The following TRIL variants were observed in gnomAD, a reference collection of about 807,000 sequenced individuals.
The protein encoded by TRIL is TLR4 interactor with leucine rich repeats.
A neutral mutation model predicts 43.0 loss-of-function variants in TRIL; 23 were observed. That is an observed-to-expected ratio of 0.54 (90% CI 0.39 to 0.76). The LOEUF (loss-of-function observed/expected upper bound fraction) is 0.76. TRIL is among the 30% of genes least tolerant of loss of function. TRIL has a pLI of 0.00. For synonymous variants in TRIL, 602 were observed against 556.8 expected (o/e 1.08, Z -1.14); for missense variants, 1,114 against 1,139.3 (o/e 0.98, Z 0.32).
In TRIL at chr7:28,956,670, C is replaced by T; in HGVS notation, c.1377G>A (p.Gln459=). The change falls in exon 1 of 1, where the codon CAG becomes CAA. Residue 459 remains glutamine (Q), a synonymous_variant. Coordinates refer to ENST00000539664, the MANE Select transcript of TRIL (RefSeq NM_014817.4). ...ELPPQPQLQQ[Q]GRFLAGVAWD... Reference sequence around the variant, plus strand: ...AGGCCACCCCAGCTAGAAATCGCCCCTGCTGCTGGAGCTGCGGCTGCGGCG... The same window carrying T: ...AGGCCACCCCAGCTAGAAATCGCCCTTGCTGCTGGAGCTGCGGCTGCGGCG... 6.3e-7 allele frequency: 1 copy of T among 1,580,748 alleles called. No homozygotes were observed. Among genetic ancestry groups the T allele is most frequent in the Non-Finnish European group, 8.6e-7 (1 of 1,167,626 alleles).
chr7:28,956,416 C>T lies in TRIL; in HGVS notation c.1631G>A (p.Gly544Asp). The T allele has an allele frequency of 6.5e-7, 1 of 1,537,194 alleles. No individual in the cohort carries two copies. Reference sequence around the variant, plus strand: ...CTTCGTCGCGCGCTGCCAGGGGTCGCCGGCGGGCGATGGCGCAGAGCCAGG... The same window carrying T: ...CTTCGTCGCGCGCTGCCAGGGGTCGTCGGCGGGCGATGGCGCAGAGCCAGG... ...ASPGSAPSPAGDPWQRATKHR... is the reference protein window; with the variant it reads ...ASPGSAPSPADDPWQRATKHR... The change falls in exon 1 of 1, where the codon GGC becomes GAC. Residue 544 changes from glycine to aspartate, a missense_variant. Gly to Asp is a moderately conservative substitution (Grantham distance 94). Coordinates refer to ENST00000539664, the MANE Select transcript of TRIL (RefSeq NM_014817.4).
At position 28,953,914 on chromosome 7, in the gene TRIL, C is replaced by T. The variant is rs890825483; in HGVS notation, c.*1697G>A. On this transcript the variant is annotated 3_prime_UTR_variant, in exon 1 of 1. Coordinates refer to ENST00000539664, the MANE Select transcript of TRIL (RefSeq NM_014817.4). ...GAGAAGAGGGCAGGCATGGGTCAAT[C>T]TAGGCCAAACATAAAAGGAGTGAAC... 6.6e-6 allele frequency: 1 copy of T among 152,628 alleles called. No individual in the cohort carries two copies. The highest frequency in any genetic ancestry group is 1.5e-5 in the Non-Finnish European group (1 of 68,076). 9.5% of individuals were successfully genotyped at this position (152,628 alleles called of 1,614,324 possible).
rs1457225257 is a variant in TRIL at position 28,957,337 on chromosome 7, G to C, written c.710C>G (p.Ser237Trp). Residue 237 changes from serine to tryptophan, a missense_variant, in exon 1 of 1, where the codon TCG becomes TGG. Coordinates refer to ENST00000539664, the MANE Select transcript of TRIL (RefSeq NM_014817.4). ...CCCGAGGTGCTGCAGGTTGTTGGCC[G>C]AGAGGATGAGGGAGGAGAGGGAGCG... ...PLRSLSSLIL[S>W]ANNLQHLGPR... 6.2e-7 allele frequency: 1 copy of C among 1,612,462 alleles called. No individual in the cohort carries two copies. The highest frequency in any genetic ancestry group is 8.5e-7 in the Non-Finnish European group (1 of 1,179,644).
rs1425142429 is a variant in TRIL at position 28,957,161 on chromosome 7, G to A, written c.886C>T (p.Leu296=). 2.5e-6 allele frequency: 4 copies of A among 1,591,210 alleles called. No homozygotes were observed. ...TCCAGGCTGTGCAGAGGCTCCAGCAGCGCAGTTGGCAGCTGGCTCAGCCGA... is the reference window on the plus strand; with the variant it reads ...TCCAGGCTGTGCAGAGGCTCCAGCAACGCAGTTGGCAGCTGGCTCAGCCGA... ...GNRLSQLPTA[L]LEPLHSLEAL... is the part of the protein sequence containing the mutation. Residue 296 remains leucine (L), a synonymous_variant, in exon 1 of 1, where the codon CTG becomes TTG. Transcript: ENST00000539664.
rs755637040 is a variant in TRIL, at chr7:28,956,347, T to C, written c.1700A>G (p.Asp567Gly). 75 of 1,530,890 alleles carry C rather than the reference T, an allele frequency of 4.9e-5. No individual in the cohort carries two copies. The highest frequency in any genetic ancestry group is 2.0e-4 in the Admixed American group (10 of 50,506). The allele number at this position is 1,530,890 out of a possible 1,614,324, so 94.8% of individuals were successfully genotyped here. A position where few individuals can be genotyped will look rare whatever the true frequency, so the allele number is the denominator to read the frequency against. Residue 567 changes from aspartate to glycine, a missense_variant, in exon 1 of 1, where the codon GAC (aspartate) becomes GGC (glycine). Transcript: ENST00000539664. ...CAGCGGCGGCAGCCCGGCCCCACCG[T>C]CGGACTGGGCGGCACGCTCCTGGTG... ...TEHQERAAQS[D>G]GGAGLPPLVS... is the part of the protein sequence containing the mutation.
rs1350331100 is a variant in TRIL at position 28,957,339 on chromosome 7, G to A, written c.708C>T (p.Leu236=). 3 of 1,612,326 alleles carry A rather than the reference G, an allele frequency of 1.9e-6. No individual in the cohort carries two copies. The highest frequency in any genetic ancestry group is 2.5e-6 in the Non-Finnish European group (3 of 1,179,506). Reference sequence around the variant, plus strand: ...CGAGGTGCTGCAGGTTGTTGGCCGAGAGGATGAGGGAGGAGAGGGAGCGCA... The same window carrying A: ...CGAGGTGCTGCAGGTTGTTGGCCGAAAGGATGAGGGAGGAGAGGGAGCGCA... The part of the protein sequence containing the change: ...APLRSLSSLI[L]SANNLQHLGP... The change falls in exon 1 of 1, where the codon CTC becomes CTT. Residue 236 remains leucine, a synonymous_variant. Coordinates refer to ENST00000539664, the MANE Select transcript of TRIL (RefSeq NM_014817.4).
chr7:28,956,133 G>A lies in TRIL; in HGVS notation c.1914C>T (p.Tyr638=). 3 of 1,566,444 alleles carry A rather than the reference G, an allele frequency of 1.9e-6. No individual in the cohort carries two copies. The highest frequency in any genetic ancestry group is 2.6e-6 in the Non-Finnish European group (3 of 1,157,516). ...GQQPKFHRFV[Y]LPESSDSATL... is the part of the protein sequence containing the mutation. ...TGGCCGAGTCGCTGCTCTCAGGCAG[G>A]TAGACGAAGCGGTGGAACTTGGGCT... The change falls in exon 1 of 1, where the codon TAC becomes TAT. Residue 638 remains tyrosine (Y), a synonymous_variant. Transcript: ENST00000539664.
At position 28,953,667 on chromosome 7, in the gene TRIL, AAAC is replaced by A. The variant is rs1344794608; in HGVS notation, c.*1941_*1943del. ...TAGCTCCCTGGTTGAAAATAAGAGC[AAAC>A]AACACTACTGCTCTCATGTACCAGT... On this transcript the variant is annotated 3_prime_UTR_variant, in exon 1 of 1. Transcript: ENST00000539664. 14 of 152,252 alleles carry A rather than the reference AAAC, an allele frequency of 9.2e-5. No homozygotes were observed. The highest frequency in any genetic ancestry group is 2.1e-4 in the Non-Finnish European group (14 of 68,046). The allele number at this position is 152,252 out of a possible 1,614,324, so 9.4% of individuals were successfully genotyped here.
In TRIL at chr7:28,958,173, A is replaced by G; in HGVS notation, c.-127T>C. The G allele has an allele frequency of 7.6e-7, 1 of 1,313,142 alleles. No homozygotes were observed. The highest frequency in any genetic ancestry group is 2.8e-5 in the East Asian group (1 of 35,788). The allele number at this position is 1,313,142 out of a possible 1,614,324, so 81.3% of individuals were successfully genotyped here. A position where few individuals can be genotyped will look rare whatever the true frequency, so the allele number is the denominator to read the frequency against. The stretch of plus-strand genomic sequence containing the variant: ...TCTTTCGGACTTCGCAGCGCCGTCC[A>G]GCCCCTCCTCCGTCCTTTGTCCGGA... On this transcript the variant is annotated 5_prime_UTR_variant, in exon 1 of 1. Coordinates refer to ENST00000539664, the MANE Select transcript of TRIL (RefSeq NM_014817.4).
In TRIL at chr7:28,956,202, C is replaced by T. The variant is rs1783399528; in HGVS notation, c.1845G>A (p.Leu615=). 2 of 1,565,398 alleles carry T rather than the reference C, an allele frequency of 1.3e-6. No individual in the cohort carries two copies. Among genetic ancestry groups the T allele is most frequent in the South Asian group, 1.2e-5 (1 of 85,214 alleles). Residue 615 remains leucine (L), a synonymous_variant, in exon 1 of 1, where the codon CTG becomes CTA. Transcript: ENST00000539664. Reference sequence around the variant, plus strand: ...AGAGCAGGCGGAAGCGCGCGCCGCCCAGCGGCCGGGGACTGCGGTGCTCGC... The same window carrying T: ...AGAGCAGGCGGAAGCGCGCGCCGCCTAGCGGCCGGGGACTGCGGTGCTCGC... ...AVREHRSPRP[L]GGARFRLLFD...
rs1387572760 is a variant in TRIL at position 28,957,303 on chromosome 7, G to T, written c.744C>A (p.Ile248=). ...GGCCGAGACGTGGCAGGTGCTGGAA[G>T]ATGCGCGGCCCGAGGTGCTGCAGGT... is the stretch of plus-strand genomic sequence containing the variant. ...ANNLQHLGPR[I]FQHLPRLGLL... Residue 248 remains isoleucine (I), a synonymous_variant, in exon 1 of 1, where the codon ATC becomes ATA. Transcript: ENST00000539664. 1.2e-6 allele frequency: 2 copies of T among 1,611,080 alleles called. No homozygotes were observed. Among genetic ancestry groups the T allele is most frequent in the Non-Finnish European group, 1.7e-6 (2 of 1,179,186 alleles).
rs1357246991 is a variant in TRIL at position 28,954,412 on chromosome 7, C to A, written c.*1199G>T. ...GTGAGGTTTAAGTACTCATAACAAT[C>A]TTCTGGTTTTAGTAGAACAGATACC... On this transcript the variant is annotated 3_prime_UTR_variant, in exon 1 of 1. Transcript: ENST00000539664. 6.6e-6 allele frequency: 1 copy of A among 152,618 alleles called. No individual in the cohort carries two copies. Among genetic ancestry groups the A allele is most frequent in the African/African-American group, 2.4e-5 (1 of 41,442 alleles). 9.5% of individuals were successfully genotyped at this position (152,618 alleles called of 1,614,324 possible). A position where few individuals can be genotyped will look rare whatever the true frequency, so the allele number is the denominator to read the frequency against.
Position 28,955,803 on chromosome 7 carries a change from C to G in TRIL, c.2244G>C (p.Leu748=). The G allele has an allele frequency of 5.2e-6, 8 of 1,550,046 alleles. No homozygotes were observed. The highest frequency in any genetic ancestry group is 7.0e-6 in the Non-Finnish European group (8 of 1,146,776). ...VRHMYSTRRP[L]RSMGTGVSAD... The stretch of plus-strand genomic sequence containing the variant: ...CGGACACGCCGGTGCCCATGGAGCG[C>G]AGGGGCCGTCGGGTGGAGTACATGT... The change falls in exon 1 of 1, where the codon CTG becomes CTC. Residue 748 remains leucine, a synonymous_variant. Coordinates refer to ENST00000539664, the MANE Select transcript of TRIL (RefSeq NM_014817.4).
At position 28,956,394 on chromosome 7, in the gene TRIL, C is replaced by A; in HGVS notation, c.1653G>T (p.Thr551=). The A allele has an allele frequency of 6.5e-7, 1 of 1,535,322 alleles. No homozygotes were observed. Among genetic ancestry groups the A allele is most frequent in the Non-Finnish European group, 8.7e-7 (1 of 1,146,864 alleles). ...GGTGCTCCGTGCCCAGACGATGCTT[C>A]GTCGCGCGCTGCCAGGGGTCGCCGG... ...SPAGDPWQRA[T]KHRLGTEHQE... The change falls in exon 1 of 1, where the codon ACG becomes ACT. Residue 551 remains threonine, a synonymous_variant. Coordinates refer to ENST00000539664, the MANE Select transcript of TRIL (RefSeq NM_014817.4).
Position 28,955,958 on chromosome 7 carries a change from G to A in TRIL, c.2089C>T (p.Leu697=). 6.4e-7 allele frequency: 1 copy of A among 1,553,920 alleles called. No homozygotes were observed. The highest frequency in any genetic ancestry group is 8.7e-7 in the Non-Finnish European group (1 of 1,153,066). Residue 697 remains leucine, a synonymous_variant, in exon 1 of 1, where the codon CTG becomes TTG. Transcript: ENST00000539664. ...AGSRGGVDYQ[L]LTLALLTVNA... ...ACCGTCAGCAGGGCCAAGGTCAGCA[G>A]CTGGTAGTCGACGCCGCCCCGGCTC... is the stretch of plus-strand genomic sequence containing the variant.
At position 28,955,916 on chromosome 7, in the gene TRIL, G is replaced by T; in HGVS notation, c.2131C>A (p.Leu711Ile). Residue 711 changes from leucine to isoleucine, a missense_variant, in exon 1 of 1, where the codon CTC (leucine) becomes ATC (isoleucine). By Grantham distance (5) the Leu-to-Ile change is conservative (BLOSUM62 2). Coordinates refer to ENST00000539664, the MANE Select transcript of TRIL (RefSeq NM_014817.4). ...ALLTVNALLV[L>I]LALAAWASRW... ...GACGCCCAGGCCGCCAAGGCCAGGA[G>T]CACCAGCAGCGCGTTGACCGTCAGC... 1 of 1,552,596 alleles carries T rather than the reference G, an allele frequency of 6.4e-7. No individual in the cohort carries two copies. Among genetic ancestry groups the T allele is most frequent in the Non-Finnish European group, 8.7e-7 (1 of 1,150,002 alleles).
Position 28,956,380 on chromosome 7 carries a change from C to A in TRIL, c.1667G>T (p.Gly556Val). The change falls in exon 1 of 1, where the codon GGC (glycine) becomes GTC (valine). Residue 556 changes from glycine to valine, a missense_variant. Coordinates refer to ENST00000539664, the MANE Select transcript of TRIL (RefSeq NM_014817.4). ...GGCGGCACGCTCCTGGTGCTCCGTG[C>A]CCAGACGATGCTTCGTCGCGCGCTG... ...PWQRATKHRL[G>V]TEHQERAAQS... 1 of 1,534,846 alleles carries A rather than the reference C, an allele frequency of 6.5e-7. No homozygotes were observed. The highest frequency in any genetic ancestry group is 8.7e-7 in the Non-Finnish European group (1 of 1,146,564).
Position 28,957,550 on chromosome 7 carries a change from G to A in TRIL, c.497C>T (p.Ala166Val). Residue 166 changes from alanine (A) to valine (V), a missense_variant, in exon 1 of 1, where the codon GCC (alanine) becomes GTC (valine). Transcript: ENST00000539664. ...SLVKLRLDGN[A>V]LGALPDAVFA... is the part of the protein sequence containing the mutation. ...GACCGCGTCCGGCAGCGCCCCCAGG[G>A]CGTTCCCGTCCAGCCGCAGCTTGAC... is the stretch of plus-strand genomic sequence containing the variant. The A allele has an allele frequency of 6.2e-7, 1 of 1,612,684 alleles. No individual in the cohort carries two copies. Among genetic ancestry groups the A allele is most frequent in the Non-Finnish European group, 8.5e-7 (1 of 1,179,724 alleles).
At position 28,957,266 on chromosome 7, in the gene TRIL, T is replaced by C; in HGVS notation, c.781A>G (p.Arg261Gly). ...HLPRLGLLSL[R>G]GNQLTHLAPE... ...GCGAGGTGCGTGAGCTGGTTGCCCCTGAGCGAGAGCAGGCCGAGACGTGGC... is the reference window on the plus strand; with the variant it reads ...GCGAGGTGCGTGAGCTGGTTGCCCCCGAGCGAGAGCAGGCCGAGACGTGGC... Residue 261 changes from arginine to glycine, a missense_variant, in exon 1 of 1, where the codon AGG becomes GGG. Arg to Gly is a moderately radical substitution (Grantham distance 125, BLOSUM62 -2). Transcript: ENST00000539664. 1 of 1,609,778 alleles carries C rather than the reference T, an allele frequency of 6.2e-7. No homozygotes were observed. Among genetic ancestry groups the C allele is most frequent in the Non-Finnish European group, 8.5e-7 (1 of 1,179,726 alleles).
Sources: gnomAD v4.1 joint callset for allele counts on GRCh38, gnomAD v4.1.1 for gene constraint, MANE v1.5 for transcripts, NCBI Gene and HGNC (gene_info 2026-07-23, HGNC 2026-07-21) for gene names.